Variants in TMCO4 observed in about 807,000 individuals in gnomAD.
TMCO4 encodes transmembrane and coiled-coil domains 4.
In TMCO4, 58 loss-of-function variants were observed where a neutral mutation model predicts 64.7. That is an observed-to-expected ratio of 0.90 (90% CI 0.73 to 1.12). TMCO4 has a LOEUF of 1.12. Ranked by LOEUF, TMCO4 falls within the 50% of genes most tolerant of loss-of-function variation. The pLI is 0.00. For synonymous variants in TMCO4, 325 were observed against 346.1 expected, an observed-to-expected ratio of 0.94 and a Z score of 0.68; for missense variants, 780 against 825.9, an observed-to-expected ratio of 0.94 and a Z score of 0.68.
At chr1:19,784,090 C>T (rs1337603385) in intron 3 of TMCO4, among the ~76,000 whole-genome samples, 2 of 152,186 alleles carry the variant, frequency 1.3e-5, no homozygotes, top group African/African-American at 4.8e-5. Context: ...ACCTATTACT[C>T]AGAGGAGCCC....
At chr1:19,717,006 G>A (rs1373611612) in intron 13 of TMCO4, among the ~76,000 whole-genome samples, 1 of 152,116 alleles carries the variant, frequency 6.6e-6, no homozygotes, top group South Asian at 2.1e-4. Context: ...GGCCAACATG[G>A]TGAAACCCCA....
intron 2 of TMCO4, among the ~76,000 whole-genome samples, chr1:19,792,171 G>T (rs2044077033): frequency 6.6e-6 from 1 of 152,116 alleles, no homozygotes; most frequent in Admixed American, 6.5e-5. Flanking sequence ...TCAGCAGCAT[G>T]AAAATGGACT....
chr1:19,683,492 C>A (rs1235074225), intron 15 of TMCO4, 48 bp from the exon 16 acceptor site: 6 of 1,596,890 alleles, frequency 3.8e-6, no homozygotes, highest in Middle Eastern at 2.2e-4. Context: ...CAGAGCCCAG[C>A]CCTCCCCAGG....
At chr1:19,782,687 G>T (rs2101081452) in intron 3 of TMCO4, among the ~76,000 whole-genome samples, 1 of 152,316 alleles carries the variant, frequency 6.6e-6, no homozygotes, top group East Asian at 1.9e-4. Context: ...GAGAGAAAAG[G>T]AGAGAGGGGA....
At chr1:19,769,349 C>T (rs2042881511) in intron 6 of TMCO4, among the ~76,000 whole-genome samples, 1 of 152,170 alleles carries the variant, frequency 6.6e-6, no homozygotes, top group South Asian at 2.1e-4. Context: ...TTGCTGAAGC[C>T]GGCCATCTGC....
In TMCO4 at chr1:19,690,911, T is replaced by C. The variant is rs564286634; in HGVS notation, c.1500+3523A>G. ...TGAAACAGAGTCTTGCTCTGTCACC[T>C]AGGCTGGAGTGCAGTGGTACCCTCT... On this transcript the variant is annotated intron_variant, in intron 15 of 15. Transcript: ENST00000294543. Among the ~76,000 whole-genome samples the C allele has an allele frequency of 2.0e-4, 27 of 135,288 alleles. No homozygotes were observed. The East Asian group carries it at 4.1e-3, about 20-fold the overall frequency. 88.8% of individuals were successfully genotyped at this position (135,288 alleles called of 152,430 possible).
At chr1:19,699,524 G>A (rs1383647018) in intron 14 of TMCO4, among the ~76,000 whole-genome samples, 2 of 147,478 alleles carry the variant, frequency 1.4e-5, no homozygotes, top group African/African-American at 5.1e-5. Context: ...TTGAGATGGA[G>A]TCTTGCTCGC....
chr1:19,780,507 C>T, intron 4 of TMCO4, 73 bp downstream of exon 4: 1 of 1,504,366 alleles, frequency 6.6e-7, no homozygotes, highest in Non-Finnish European at 8.9e-7. Context: ...TCGTGCCTGG[C>T]AGGCTGTTTG....
chr1:19,779,957 A>T (rs1391700921), intron 4 of TMCO4, among the ~76,000 whole-genome samples: 3 of 152,128 alleles, frequency 2.0e-5, no homozygotes, highest in Non-Finnish European at 4.4e-5. Context: ...GAATGAGGGG[A>T]TGTCTTATCC....
chr1:19,709,528 C>A (rs1469641973), intron 13 of TMCO4, among the ~76,000 whole-genome samples: 1 of 152,070 alleles, frequency 6.6e-6, no homozygotes, highest in African/African-American at 2.4e-5. Flanking sequence ...TAGTGACAGC[C>A]CAGACATAAT....
At chr1:19,772,058 C>T (rs1394980873) in intron 4 of TMCO4, among the ~76,000 whole-genome samples, 1 of 152,174 alleles carries the variant, frequency 6.6e-6, no homozygotes. Context: ...GGTTGCATGC[C>T]TTGGGCCTGG....
intron 15 of TMCO4, among the ~76,000 whole-genome samples, chr1:19,684,681 A>G (rs1440284336): frequency 7.9e-5 from 12 of 152,194 alleles, no homozygotes; most frequent in South Asian, 2.1e-4. Flanking sequence ...TTTAGTCACA[A>G]GGACTCACAT....
At chr1:19,771,285 C>G (rs745866086) in intron 5 of TMCO4, 23 bp downstream of exon 5, 4 of 1,606,892 alleles carry the variant, frequency 2.5e-6, no homozygotes, top group Non-Finnish European at 3.4e-6. Flanking sequence ...TCCCCAGCAG[C>G]CACCACCAGG....
At position 19,735,066 on chromosome 1, in the gene TMCO4, G is replaced by A. The variant is rs574023186; in HGVS notation, c.1264+2306C>T. Among the ~76,000 whole-genome samples, 10 of 152,216 alleles carry A rather than the reference G, an allele frequency of 6.6e-5. No homozygotes were observed. In the South Asian group the frequency reaches 1.7e-3, roughly 25 times the overall value. On this transcript the variant is annotated intron_variant, in intron 13 of 15. Transcript: ENST00000294543. ...GCACTGTGCTGGGCACTAGGGGGGCGGCAGGGCTCAAGGCAGACCCTGCCT... is the reference window on the plus strand; with the variant it reads ...GCACTGTGCTGGGCACTAGGGGGGCAGCAGGGCTCAAGGCAGACCCTGCCT...
At chr1:19,779,410 T>C (rs1314435617) in intron 4 of TMCO4, among the ~76,000 whole-genome samples, 1 of 152,196 alleles carries the variant, frequency 6.6e-6, no homozygotes, top group Non-Finnish European at 1.5e-5. Flanking sequence ...GATGACTCCG[T>C]TGGCCTCCTA....
chr1:19,771,123 C>G (rs2042960249), intron 5 of TMCO4, among the ~76,000 whole-genome samples, 185 bp downstream of exon 5: 1 of 147,596 alleles, frequency 6.8e-6, no homozygotes, highest in Non-Finnish European at 1.5e-5. Flanking sequence ...AGCACGTAAT[C>G]AGCATTAAGA....
rs1037034429 is a variant in TMCO4, at chr1:19,734,376, G to A, written c.1264+2996C>T. Reference sequence around the variant, plus strand: ...TGTGCAGATGCGTGTATGAATGTGTGCAGGTGTGTGTGTGAGTGTGCATAT... The same window carrying A: ...TGTGCAGATGCGTGTATGAATGTGTACAGGTGTGTGTGTGAGTGTGCATAT... On this transcript the variant is annotated intron_variant, in intron 13 of 15. Coordinates refer to ENST00000294543, the MANE Select transcript of TMCO4 (RefSeq NM_181719.7). The surrounding 1 kb of genome is among the most constrained non-coding windows in gnomAD (Gnocchi z 4.4). Among the ~76,000 whole-genome samples the A allele has an allele frequency of 1.3e-5, 2 of 152,156 alleles. No homozygotes were observed. The highest frequency in any genetic ancestry group is 4.1e-4 in the South Asian group (2 of 4,832).
intron 1 of TMCO4, among the ~76,000 whole-genome samples, 169 bp downstream of exon 1, chr1:19,799,686 G>C (rs966205498): frequency 4.6e-5 from 7 of 152,218 alleles, no homozygotes; most frequent in Admixed American, 2.6e-4. Flanking sequence ...GCCAGGGAGC[G>C]CGCGGCCGCT....
At chr1:19,701,209 T>A (rs1221065232) in intron 13 of TMCO4, 1 of 159,914 alleles carries the variant, frequency 6.3e-6, no homozygotes, top group Non-Finnish European at 1.4e-5. Context: ...CTCACTCTGT[T>A]GCCCCGGCTG....
Sources: allele counts gnomAD v4.1 joint callset (sites outside exome capture counted in the v4.1 genomes callset), GRCh38; gene constraint gnomAD v4.1.1; non-coding constraint Gnocchi (gnomAD v3.1); transcripts MANE v1.5; gene names NCBI Gene and HGNC (gene_info 2026-07-23, HGNC 2026-07-21).